Variants in DLGAP1 observed in about 807,000 individuals in gnomAD.
DLGAP1 encodes disks large-associated protein 1.
Under a neutral mutation model 90.8 loss-of-function variants are expected in DLGAP1, and 11 were observed. That is an observed-to-expected ratio of 0.12 (90% confidence interval 0.08 to 0.20). The LOEUF is 0.20. Among genes scored for constraint, DLGAP1 ranks in the 10% least tolerant of loss-of-function variants. DLGAP1 has a pLI of 1.00. For missense variants in DLGAP1, 1,050 were observed against 1,333.8 expected (o/e 0.79, Z 3.31); for synonymous variants, 558 against 540.7 (o/e 1.03, Z -0.44).
At chr18:4,144,837 C>T (rs562110441) in intron 2 of DLGAP1, among the ~76,000 whole-genome samples, 1 of 152,218 alleles carries the variant, frequency 6.6e-6, no homozygotes, top group Admixed American at 6.5e-5. Flanking sequence ...GAAAATAAAT[C>T]CAGTCAATGT....
chr18:4,453,740 T>A (rs1282933512), intron 1 of DLGAP1, among the ~76,000 whole-genome samples: 1 of 152,152 alleles, frequency 6.6e-6, no homozygotes, highest in Non-Finnish European at 1.5e-5. Context: ...GGTACTTTTA[T>A]TATATGTCTT....
chr18:3,526,100 A>G lies in DLGAP1; in HGVS notation c.2479+8094T>C, dbSNP rs974638454. The stretch of plus-strand genomic sequence containing the variant: ...TTGTCTGGAGCTTACAAAAAGAGAC[A>G]TGCAAGTATGTGTGTCTGTGTGTGT... On this transcript the variant is annotated intron_variant, in intron 10 of 12. Coordinates refer to ENST00000315677, the MANE Select transcript of DLGAP1 (RefSeq NM_004746.4). The surrounding 1 kb of genome is among the most constrained non-coding windows in gnomAD (Gnocchi z 4.7). Among the ~76,000 whole-genome samples the G allele has an allele frequency of 6.6e-6, 1 of 152,198 alleles. No homozygotes were observed. The highest frequency in any genetic ancestry group is 1.5e-5 in the Non-Finnish European group (1 of 68,036).
intron 2 of DLGAP1, among the ~76,000 whole-genome samples, chr18:4,035,744 G>A (rs1346900070): frequency 6.6e-6 from 1 of 152,150 alleles, no homozygotes; most frequent in East Asian, 1.9e-4. Flanking sequence ...GTTGCTAATG[G>A]TTTCTGGCTA....
chr18:4,216,424 T>C (rs2077958027), intron 1 of DLGAP1, among the ~76,000 whole-genome samples: 1 of 152,164 alleles, frequency 6.6e-6, no homozygotes, highest in South Asian at 2.1e-4. Flanking sequence ...TTTAATTTTC[T>C]ACCTGTTTAT....
chr18:4,184,828 T>G (rs1438938843), intron 1 of DLGAP1, among the ~76,000 whole-genome samples: 1 of 152,126 alleles, frequency 6.6e-6, no homozygotes, highest in African/African-American at 2.4e-5. Context: ...GTTTCTTCCA[T>G]TCTAAGCACC....
intron 4 of DLGAP1, among the ~76,000 whole-genome samples, chr18:3,839,546 C>G (rs568605972): frequency 6.6e-6 from 1 of 152,240 alleles, no homozygotes; most frequent in East Asian, 1.9e-4. Context: ...GAAGTGGGAA[C>G]AGAAACATGA....
At chr18:4,259,242 A>G (rs2078956977) in intron 1 of DLGAP1, among the ~76,000 whole-genome samples, 1 of 152,214 alleles carries the variant, frequency 6.6e-6, no homozygotes, top group African/African-American at 2.4e-5. Flanking sequence ...AAGAGAAGAA[A>G]GGGAATCTGA....
chr18:3,961,320 T>G (rs1278236182), intron 3 of DLGAP1, among the ~76,000 whole-genome samples: 1 of 152,178 alleles, frequency 6.6e-6, no homozygotes, highest in Non-Finnish European at 1.5e-5. Flanking sequence ...AGCTCCCACC[T>G]TTTCCTCCTC....
At chr18:3,889,663 C>T (rs1023332313) in intron 3 of DLGAP1, among the ~76,000 whole-genome samples, 2 of 152,278 alleles carry the variant, frequency 1.3e-5, no homozygotes, top group Non-Finnish European at 1.5e-5. Flanking sequence ...GTGATCACCA[C>T]ATTTTCTGAG....
intron 4 of DLGAP1, among the ~76,000 whole-genome samples, chr18:3,815,356 C>T (rs1429829674): frequency 6.7e-6 from 1 of 150,196 alleles, no homozygotes; most frequent in East Asian, 2.0e-4. Context: ...CAATGATCTC[C>T]TAATGGAAGA....
chr18:3,859,098 TGTAA>T (rs2069861653), intron 4 of DLGAP1, among the ~76,000 whole-genome samples: 1 of 152,198 alleles, frequency 6.6e-6, no homozygotes, highest in African/African-American at 2.4e-5. Context: ...CTGCAGAGTA[TGTAA>T]GTAAGTACAC....
chr18:3,720,105 T>G (rs2061919487), intron 7 of DLGAP1, among the ~76,000 whole-genome samples: 1 of 152,324 alleles, frequency 6.6e-6, no homozygotes, highest in Middle Eastern at 3.4e-3. Flanking sequence ...AATAATATTA[T>G]GTACCCTTTT....
intron 2 of DLGAP1, among the ~76,000 whole-genome samples, chr18:4,080,111 C>G (rs1013519716): frequency 3.9e-5 from 6 of 151,974 alleles, no homozygotes; most frequent in Admixed American, 2.0e-4. Flanking sequence ...TCCTATTTAC[C>G]AAGAATATGA....
chr18:4,008,119 A>G (rs1341223391), intron 2 of DLGAP1, among the ~76,000 whole-genome samples: 1 of 152,090 alleles, frequency 6.6e-6, no homozygotes, highest in Non-Finnish European at 1.5e-5. Flanking sequence ...TATGACATAC[A>G]GTAGCCCCCA....
chr18:4,271,084 T>C (rs1461519534), intron 1 of DLGAP1, among the ~76,000 whole-genome samples: 1 of 152,116 alleles, frequency 6.6e-6, no homozygotes, highest in Non-Finnish European at 1.5e-5. Flanking sequence ...ATCCCCTCTA[T>C]AAAGGGGGAG....
chr18:3,856,666 C>G (rs2069661826), intron 4 of DLGAP1, among the ~76,000 whole-genome samples: 1 of 152,074 alleles, frequency 6.6e-6, no homozygotes, highest in Non-Finnish European at 1.5e-5. Flanking sequence ...TCGAGACCAT[C>G]CTGGCTAACA....
chr18:3,588,511 G>A (rs1417292428), intron 7 of DLGAP1, among the ~76,000 whole-genome samples: 1 of 151,784 alleles, frequency 6.6e-6, no homozygotes, highest in Non-Finnish European at 1.5e-5. Context: ...GCAGAGTGCG[G>A]TGGCTCGCTC....
Position 3,868,021 on chromosome 18 carries a change from A to C in DLGAP1, c.957+11091T>G, listed in dbSNP as rs77852383. ...AGCCTCACCACACACCCCTCACAGA[A>C]AGCTCTTGTTTCTAGTGGATTCGTT... On this transcript the variant is annotated intron_variant, in intron 4 of 12. Coordinates refer to ENST00000315677, the MANE Select transcript of DLGAP1 (RefSeq NM_004746.4). Among the ~76,000 whole-genome samples, 12 of 152,260 alleles carry C rather than the reference A, an allele frequency of 7.9e-5. No individual in the cohort carries two copies. In the East Asian group the frequency reaches 2.3e-3, roughly 29 times the overall value.
intron 2 of DLGAP1, among the ~76,000 whole-genome samples, chr18:4,121,806 T>G (rs1339399810): frequency 6.6e-6 from 1 of 152,212 alleles, no homozygotes; most frequent in African/African-American, 2.4e-5. Context: ...TACCATTGAA[T>G]AATTTTTTCT....
Sources: gnomAD v4.1 joint callset for allele counts (sites outside exome capture counted in the v4.1 genomes callset) on GRCh38, gnomAD v4.1.1 for gene constraint, Gnocchi (gnomAD v3.1) non-coding constraint, MANE v1.5 for transcripts, NCBI Gene and HGNC (gene_info 2026-07-23, HGNC 2026-07-21) for gene names.